Variants in HSPG2 observed in about 807,000 individuals in gnomAD.
HSPG2 encodes heparan sulfate proteoglycan 2, also known as basement membrane-specific heparan sulfate proteoglycan core protein.
Under a neutral mutation model 526.6 loss-of-function variants are expected in HSPG2, and 278 were observed. The observed-to-expected ratio is 0.53, with a 90% confidence interval of 0.48 to 0.58. HSPG2 has a LOEUF of 0.58. Among genes scored for constraint, HSPG2 ranks in the 20% least tolerant of loss-of-function variants. The pLI, the probability that HSPG2 is intolerant of heterozygous loss-of-function variation, is 0.00. For synonymous variants in HSPG2, 2,465 were observed against 2,555.4 expected (o/e 0.96, Z 1.07); for missense variants, 5,354 against 6,099.5 (o/e 0.88, Z 4.07).
rs369778477 is a variant in HSPG2, at chr1:21,844,220, G to A, written c.8544C>T (p.Cys2848=). The change falls in exon 65 of 97, where the codon TGC becomes TGT. Residue 2848 remains cysteine, a synonymous_variant. Coordinates refer to ENST00000374695, the MANE Select transcript of HSPG2 (RefSeq NM_005529.7). ...GGGCGTGGGCCTGCCCGGGCACCAC[G>A]CACTTCAGATCCAGGGTCTGCCCTT... is the stretch of plus-strand genomic sequence containing the variant. ...VAEGQTLDLK[C]VVPGQAHAQV... is the part of the protein sequence containing the mutation. 65 of 1,613,680 alleles carry A rather than the reference G, an allele frequency of 4.0e-5. No homozygotes were observed. The highest frequency in any genetic ancestry group is 8.8e-5 in the South Asian group (8 of 91,086).
Position 21,842,097 on chromosome 1 carries a change from A to G in HSPG2, c.9098T>C (p.Val3033Ala), listed in dbSNP as rs756014153. 4.3e-6 allele frequency: 7 copies of G among 1,613,506 alleles called. No individual in the cohort carries two copies. The highest frequency in any genetic ancestry group is 4.0e-5 in the African/African-American group (3 of 74,932). ...VISIDPPSSTVQQGQDASFKC... is the reference protein window; with the variant it reads ...VISIDPPSSTAQQGQDASFKC... ...GAAGCTGGCATCCTGGCCCTGCTGC[A>G]CGGTGCTGCTGGGCGGGTCGATGGA... The change falls in exon 69 of 97, where the codon GTG becomes GCG. Residue 3033 changes from valine to alanine, a missense_variant. By Grantham distance (64) the Val-to-Ala change is moderately conservative (BLOSUM62 0). Transcript: ENST00000374695.
At chr1:21,855,102 G>C in intron 47 of HSPG2, 119 bp from the exon 48 acceptor site, 1 of 1,396,620 alleles carries the variant, frequency 7.2e-7, no homozygotes, top group East Asian at 2.4e-5. Flanking sequence ...GCCCAGTGGG[G>C]CATGAAGGAG....
At chr1:21,879,966 T>C (rs776150721) in intron 17 of HSPG2, 141 bp downstream of exon 17, 30 of 1,017,432 alleles carry the variant, frequency 2.9e-5, no homozygotes, top group Non-Finnish European at 4.3e-5. Context: ...ATTTCTGTTA[T>C]TGCATCCAGA....
Position 21,823,451 on chromosome 1 carries a change from T to C in HSPG2, c.13041A>G (p.Arg4347=), listed in dbSNP as rs1389955280. The part of the protein sequence containing the change: ...APDVATLTGG[R]FSSGITGCVK... ...CACAGCCTGTGATGCCTGAGGAGAATCTGCCCCCGGTCAGCGTGGCCACGT... is the reference window on the plus strand; with the variant it reads ...CACAGCCTGTGATGCCTGAGGAGAACCTGCCCCCGGTCAGCGTGGCCACGT... The change falls in exon 97 of 97, where the codon AGA becomes AGG. Residue 4347 remains arginine, a synonymous_variant. Transcript: ENST00000374695. 2 of 1,594,780 alleles carry C rather than the reference T, an allele frequency of 1.3e-6. No individual in the cohort carries two copies. Among genetic ancestry groups the C allele is most frequent in the Admixed American group, 1.7e-5 (1 of 58,636 alleles).
chr1:21,931,854 G>A (rs1029106641), intron 1 of HSPG2, among the ~76,000 whole-genome samples: 33 of 152,232 alleles, frequency 2.2e-4, no homozygotes, highest in African/African-American at 7.0e-4. Context: ...AAAAAACAGC[G>A]CAGGCTCCAC....
In HSPG2 at chr1:21,828,330, G is replaced by T; in HGVS notation, c.12334C>A (p.Pro4112Thr). The T allele has an allele frequency of 3.7e-6, 6 of 1,613,802 alleles. No homozygotes were observed. Among genetic ancestry groups the T allele is most frequent in the Non-Finnish European group, 5.1e-6 (6 of 1,180,026 alleles). Residue 4112 changes from proline to threonine, a missense_variant, in exon 89 of 97, where the codon CCT (proline) becomes ACT (threonine). Coordinates refer to ENST00000374695, the MANE Select transcript of HSPG2 (RefSeq NM_005529.7). This position sits in a 1 kb window ranked among gnomAD's most constrained non-coding sequence, Gnocchi z 6.0. Reference sequence around the variant, plus strand: ...ATGCACGTGGCACCATGTTGGCAAGGCTGGCGCTCACATGGGGAGCTATCA... The same window carrying T: ...ATGCACGTGGCACCATGTTGGCAAGTCTGGCGCTCACATGGGGAGCTATCA... ...CYDSSPCERQPCQHGATCMPA... is the reference protein window; with the variant it reads ...CYDSSPCERQTCQHGATCMPA...
At position 21,904,728 on chromosome 1, in the gene HSPG2, C is replaced by A. The variant is rs1643278764; in HGVS notation, c.64-8418G>T. Among the ~76,000 whole-genome samples, 1 of 152,198 alleles carries A rather than the reference C, an allele frequency of 6.6e-6. No homozygotes were observed. Among genetic ancestry groups the A allele is most frequent in the Non-Finnish European group, 1.5e-5 (1 of 68,022 alleles). ...ACAGCTTCTGGACTGGGCTGCCCAG[C>A]AAGAAGGTCCCTGGGGGTCGAACAC... On this transcript the variant is annotated intron_variant, in intron 1 of 96. Coordinates refer to ENST00000374695, the MANE Select transcript of HSPG2 (RefSeq NM_005529.7). The surrounding 1 kb of genome is among the most constrained non-coding windows in gnomAD (Gnocchi z 4.4).
chr1:21,846,223 C>A lies in HSPG2; in HGVS notation c.8349G>T (p.Val2783=), dbSNP rs145652781. The A allele has an allele frequency of 5.0e-6, 8 of 1,612,902 alleles. No individual in the cohort carries two copies. The East Asian group carries it at 1.1e-4, about 22-fold the overall frequency. ...TRGSRLRLHH[V]SPADSGEYVC... Reference sequence around the variant, plus strand: ...CGTATTCACCCGAGTCGGCCGGGGACACATGGTGCAGCCGCAGCCGTGAGC... The same window carrying A: ...CGTATTCACCCGAGTCGGCCGGGGAAACATGGTGCAGCCGCAGCCGTGAGC... The change falls in exon 64 of 97, where the codon GTG becomes GTT. Residue 2783 remains valine, a synonymous_variant. Coordinates refer to ENST00000374695, the MANE Select transcript of HSPG2 (RefSeq NM_005529.7).
Position 21,855,245 on chromosome 1 carries a change from G to A in HSPG2, c.5997+59C>T, listed in dbSNP as rs1278323694. On this transcript the variant is annotated intron_variant, in intron 47 of 96. Transcript: ENST00000374695. The stretch of plus-strand genomic sequence containing the variant: ...GGGGCGTGAAGGGGGAGGGAAGGTG[G>A]CTGGGACTCTCTGCAGAGCCTGTGG... 4.5e-6 allele frequency: 7 copies of A among 1,554,816 alleles called. No individual in the cohort carries two copies. The Admixed American group carries it at 5.7e-5, about 13-fold the overall frequency.
At chr1:21,833,242 C>T (rs761554895) in intron 80 of HSPG2, 26 bp downstream of exon 80, 1 of 1,592,814 alleles carries the variant, frequency 6.3e-7, no homozygotes, top group South Asian at 1.1e-5. Flanking sequence ...GGCCAGCCCA[C>T]CCCGCAAATT....
intron 14 of HSPG2, 51 bp from the exon 15 acceptor site, chr1:21,880,886 C>T (rs1641450398): frequency 2.0e-6 from 3 of 1,529,860 alleles, no homozygotes; most frequent in Middle Eastern, 2.3e-4. Context: ...CACTTGACAC[C>T]TCGTGCCTAT....
intron 55 of HSPG2, chr1:21,851,325 G>C: frequency 1.6e-6 from 1 of 628,968 alleles, no homozygotes; most frequent in Non-Finnish European, 2.8e-6. Context: ...GCACAGAGAG[G>C]TTAAGTAACT....
In HSPG2 at chr1:21,831,255, C is replaced by A. The variant is rs749597129; in HGVS notation, c.11522G>T (p.Gly3841Val). ...CCGACAGGTGGGGCAGTGGGAGATG[C>A]CGTGCGCCGTGAGGTTGAGGTCATG... Reference protein sequence around the residue: ...VFHDLNLTAHGISHCPTCRDR... With the variant: ...VFHDLNLTAHVISHCPTCRDR... The change falls in exon 84 of 97, where the codon GGC (glycine) becomes GTC (valine). Residue 3841 changes from glycine (G) to valine (V), a missense_variant. Physicochemically the swap from Gly to Val is moderately radical, Grantham distance 109. Transcript: ENST00000374695. 31 of 1,613,980 alleles carry A rather than the reference C, an allele frequency of 1.9e-5. 2 individuals are homozygous for A. In the South Asian group the frequency reaches 3.4e-4, roughly 18 times the overall value.
chr1:21,829,463 C>A lies in HSPG2; in HGVS notation c.11912G>T (p.Gly3971Val). 2 of 1,613,364 alleles carry A rather than the reference C, an allele frequency of 1.2e-6. No individual in the cohort carries two copies. Among genetic ancestry groups the A allele is most frequent in the Non-Finnish European group, 1.7e-6 (2 of 1,179,844 alleles). The change falls in exon 87 of 97, where the codon GGG becomes GTG. Residue 3971 changes from glycine (G) to valine (V), a missense_variant. Coordinates refer to ENST00000374695, the MANE Select transcript of HSPG2 (RefSeq NM_005529.7). Reference protein sequence around the residue: ...APDGVLLFSGGKSGPVEDFVS... With the variant: ...APDGVLLFSGVKSGPVEDFVS... ...GAAGTCCTCCACAGGCCCGCTCTTC[C>A]CCCCGCTGAACAGCAGGACCCCGTC...
intron 44 of HSPG2, among the ~76,000 whole-genome samples, chr1:21,856,617 C>CA (rs35480356): frequency 0.77 from 116,207 of 151,778 alleles, 44,806 homozygotes; most frequent in East Asian, 0.82. Flanking sequence ...AGGGTTTCAC[C>CA]TGTTGGCCAG....
intron 33 of HSPG2, among the ~76,000 whole-genome samples, chr1:21,868,187 C>T (rs1351361113): frequency 6.7e-6 from 1 of 149,744 alleles, no homozygotes; most frequent in Admixed American, 6.7e-5. Flanking sequence ...TACAGGCACC[C>T]GCCACCACGC....
At chr1:21,878,703 G>C (rs773262002) in intron 18 of HSPG2, 40 bp from the exon 19 acceptor site, 2 of 1,569,692 alleles carry the variant, frequency 1.3e-6, no homozygotes, top group South Asian at 1.1e-5. Flanking sequence ...GCAGGGCTGG[G>C]GTCAGGCTTT....
chr1:21,864,978 G>A lies in HSPG2; in HGVS notation c.4491C>T (p.Phe1497=). Residue 1497 remains phenylalanine (F), a synonymous_variant, in exon 36 of 97, where the codon TTC becomes TTT. Transcript: ENST00000374695. This position sits in a 1 kb window ranked among gnomAD's most constrained non-coding sequence, Gnocchi z 4.8. ...DLDELLIRAT[F]SSVPLAASIS... is the part of the protein sequence containing the mutation. Reference sequence around the variant, plus strand: ...TGCTGGCCGCCAGCGGCACGGAGGAGAACGTGGCCCGGATCAGGAGCTCAT... The same window carrying A: ...TGCTGGCCGCCAGCGGCACGGAGGAAAACGTGGCCCGGATCAGGAGCTCAT... 1.9e-6 allele frequency: 3 copies of A among 1,591,958 alleles called. No homozygotes were observed. The highest frequency in any genetic ancestry group is 1.3e-5 in the African/African-American group (1 of 74,556).
At chr1:21,879,352 G>A (rs752474663) in intron 17 of HSPG2, among the ~76,000 whole-genome samples, 7 of 152,114 alleles carry the variant, frequency 4.6e-5, no homozygotes, top group Non-Finnish European at 8.8e-5. Context: ...ACCTAAACCT[G>A]CCACCCTCTT....
Sources: allele counts gnomAD v4.1 joint callset (sites outside exome capture counted in the v4.1 genomes callset), GRCh38; gene constraint gnomAD v4.1.1; non-coding constraint Gnocchi (gnomAD v3.1); transcripts MANE v1.5; gene names NCBI Gene and HGNC (gene_info 2026-07-23, HGNC 2026-07-21).